The following GGNBP2 variants were observed in gnomAD, a reference collection of about 807,000 sequenced individuals.
The protein encoded by GGNBP2 is gametogenetin binding protein 2.
GGNBP2 carries 10 observed loss-of-function variants against 85.9 expected under a neutral mutation model. That is an observed-to-expected ratio of 0.12 (90% CI 0.07 to 0.20). GGNBP2 has a LOEUF of 0.20. Ranked by LOEUF, GGNBP2 falls within the 10% of genes least tolerant of loss-of-function variation. GGNBP2 has a pLI of 1.00. For synonymous variants in GGNBP2, 287 were observed against 285.7 expected (o/e 1.00, Z -0.05); for missense variants, 595 against 857.8 (o/e 0.69, Z 3.83).
intron 2 of GGNBP2, chr17:36,546,987 T>C (rs1425103326): frequency 6.6e-6 from 1 of 152,228 alleles, no homozygotes; most frequent in African/African-American, 2.4e-5. Context: ...GAAGAGCTAT[T>C]GAATGACTTA....
intron 4 of GGNBP2, among the ~76,000 whole-genome samples, chr17:36,559,296 C>CAAAA (rs892895973): frequency 4.4e-3 from 134 of 30,570 alleles, no homozygotes; most frequent in Middle Eastern, 0.014. Context: ...GACTCTGTCT[C>CAAAA]AAAAAAAAAA....
chr17:36,585,482 C>T lies in GGNBP2; in HGVS notation c.1366+32C>T, dbSNP rs969818556. The T allele has an allele frequency of 3.5e-6, 5 of 1,442,358 alleles. No homozygotes were observed. The African/African-American group carries it at 7.1e-5, about 21-fold the overall frequency. The allele number at this position is 1,442,358 out of a possible 1,614,324, so 89.3% of individuals were successfully genotyped here. On this transcript the variant is annotated intron_variant, in intron 10 of 13. Coordinates refer to ENST00000613102, the MANE Select transcript of GGNBP2 (RefSeq NM_024835.5). The stretch of plus-strand genomic sequence containing the variant: ...AAATAATTTCTTTTTAAAATGAACT[C>T]TTAACTCTATTCTTTCTTACTGTTA...
chr17:36,580,730 G>A (rs1232631847), intron 8 of GGNBP2, among the ~76,000 whole-genome samples: 4 of 151,196 alleles, frequency 2.6e-5, no homozygotes, highest in Non-Finnish European at 5.9e-5. Flanking sequence ...GACCAACCTG[G>A]CCATGATGGC....
intron 9 of GGNBP2, among the ~76,000 whole-genome samples, chr17:36,584,347 T>TG (rs2074679819): frequency 6.6e-6 from 1 of 152,336 alleles, no homozygotes; most frequent in South Asian, 2.1e-4. Context: ...CACATACTTT[T>TG]TTTTTTTTGA....
Position 36,578,100 on chromosome 17 carries a change from T to C in GGNBP2, c.759T>C (p.Cys253=), listed in dbSNP as rs1254204243. The C allele has an allele frequency of 2.5e-6, 4 of 1,614,184 alleles. No homozygotes were observed. The highest frequency in any genetic ancestry group is 3.4e-6 in the Non-Finnish European group (4 of 1,180,012). Residue 253 remains cysteine, a synonymous_variant, in exon 7 of 14, where the codon TGT becomes TGC. Coordinates refer to ENST00000613102, the MANE Select transcript of GGNBP2 (RefSeq NM_024835.5). ...CACTTTATGAAGGCTTGCGGTGCTG[T>C]CCACATGAACGACACATACATGTTT... is the stretch of plus-strand genomic sequence containing the variant. ...CAALYEGLRC[C]PHERHIHVCC... is the part of the protein sequence containing the mutation.
intron 2 of GGNBP2, among the ~76,000 whole-genome samples, chr17:36,554,352 ATTTTTTTTTTTTTTTTTTT>A (rs780217291): frequency 3.4e-4 from 15 of 44,510 alleles, no homozygotes; most frequent in African/African-American, 1.5e-3. Context: ...ATGTACTTGA[ATTTTTTTTTTTTTTTTTTT>A]TTTTTTTTTT....
At chr17:36,581,706 T>A (rs2074652214) in intron 9 of GGNBP2, 168 bp downstream of exon 9, 2 of 404,170 alleles carry the variant, frequency 4.9e-6, no homozygotes, top group Non-Finnish European at 8.8e-6. Flanking sequence ...GATAGTGAGA[T>A]CTCTATCTCT....
At chr17:36,546,027 TCC>T (rs2074250896) in intron 2 of GGNBP2, 7 of 514,974 alleles carry the variant, frequency 1.4e-5, no homozygotes, top group Middle Eastern at 4.3e-4. Context: ...CCGTACGCAC[TCC>T]CTCTCTCCAG....
chr17:36,586,221 C>G, intron 12 of GGNBP2, 23 bp downstream of exon 12: 1 of 1,604,024 alleles, frequency 6.2e-7, no homozygotes, highest in Middle Eastern at 2.0e-4. Context: ...ACTTGTAATT[C>G]TTAAACCTTT....
chr17:36,579,027 A>T, intron 7 of GGNBP2: 1 of 498,068 alleles, frequency 2.0e-6, no homozygotes, highest in Non-Finnish European at 3.6e-6. Context: ...GAATTACTTT[A>T]TTTTTAGCAA....
Position 36,574,839 on chromosome 17 carries a change from C to T in GGNBP2, c.642-3144C>T, listed in dbSNP as rs1169069073. On this transcript the variant is annotated intron_variant, in intron 6 of 13. Transcript: ENST00000613102. ...TTGCTGATCTTGTTCCCCCAGTAGC[C>T]TCTGTGCACAGGGACAATAGAGAGC... 7 of 693,348 alleles carry T rather than the reference C, an allele frequency of 1.0e-5. 1 individual carries two copies. The highest frequency in any genetic ancestry group is 3.5e-5 in the African/African-American group (2 of 57,028). The allele number at this position is 693,348 out of a possible 1,614,324, so 42.9% of individuals were successfully genotyped here.
chr17:36,569,483 C>A (rs906167306), intron 6 of GGNBP2, among the ~76,000 whole-genome samples: 6 of 152,298 alleles, frequency 3.9e-5, no homozygotes, highest in East Asian at 1.9e-4. Flanking sequence ...AAATTTGTTA[C>A]AAGTTGCGTT....
intron 13 of GGNBP2, among the ~76,000 whole-genome samples, chr17:36,588,761 A>G (rs985247619): frequency 3.9e-5 from 6 of 152,262 alleles, no homozygotes; most frequent in Admixed American, 1.3e-4. Flanking sequence ...CACCACCTGT[A>G]TAAGTTTAAT....
chr17:36,574,573 C>G (rs923667726), intron 6 of GGNBP2: 4 of 513,422 alleles, frequency 7.8e-6, no homozygotes, highest in Non-Finnish European at 1.3e-5. Flanking sequence ...CAGTCTCCTT[C>G]CAGAGGTCGG....
intron 6 of GGNBP2, among the ~76,000 whole-genome samples, chr17:36,571,934 A>G (rs1015170359): frequency 4.6e-5 from 7 of 152,078 alleles, no homozygotes; most frequent in African/African-American, 1.2e-4. Context: ...CTGCAGTTTC[A>G]TCTACTCGGG....
At chr17:36,546,753 A>G (rs1377140234) in intron 2 of GGNBP2, 1 of 152,192 alleles carries the variant, frequency 6.6e-6, no homozygotes, top group African/African-American at 2.4e-5. Flanking sequence ...ACATTTGCTT[A>G]TTTCGATAAG....
Position 36,589,836 on chromosome 17 carries a change from AC to A in GGNBP2, c.*426del, listed in dbSNP as rs1348779783. The A allele has an allele frequency of 2.9e-5, 5 of 170,828 alleles. No individual in the cohort carries two copies. The highest frequency in any genetic ancestry group is 6.3e-5 in the Non-Finnish European group (5 of 79,434). The allele number at this position is 170,828 out of a possible 1,614,324, so 10.6% of individuals were successfully genotyped here. A position where few individuals can be genotyped will look rare whatever the true frequency, so the allele number is the denominator to read the frequency against. On this transcript the variant is annotated 3_prime_UTR_variant, in exon 14 of 14. Transcript: ENST00000613102. ...TTTAAAATAAAGAATATTTATTAAT[AC>A]GCACAGTAAAATTTGCTGTACATGT...
chr17:36,548,862 T>C (rs956731922), intron 2 of GGNBP2, among the ~76,000 whole-genome samples: 2 of 147,762 alleles, frequency 1.4e-5, no homozygotes, highest in African/African-American at 5.0e-5. Flanking sequence ...GAGAATTGAT[T>C]GAACCCCCAG....
Position 36,567,733 on chromosome 17 carries a change from A to C in GGNBP2, c.598A>C (p.Ser200Arg). Residue 200 changes from serine (S) to arginine (R), a missense_variant, in exon 6 of 14, where the codon AGT becomes CGT. Physicochemically the swap from Ser to Arg is moderately radical, Grantham distance 110. Coordinates refer to ENST00000613102, the MANE Select transcript of GGNBP2 (RefSeq NM_024835.5). ...GGATGAAGTAGTTTTAATTGACTCG[A>C]GTTGTCTTTTAGAAACACTAGAAAC... ...CRDEVVLIDS[S>R]CLLETLETYL... is the part of the protein sequence containing the mutation. 1 of 1,609,258 alleles carries C rather than the reference A, an allele frequency of 6.2e-7. No homozygotes were observed. Among genetic ancestry groups the C allele is most frequent in the East Asian group, 2.2e-5 (1 of 44,824 alleles).
Sources: allele counts gnomAD v4.1 joint callset (sites outside exome capture counted in the v4.1 genomes callset), GRCh38; gene constraint gnomAD v4.1.1; transcripts MANE v1.5; gene names NCBI Gene and HGNC (gene_info 2026-07-23, HGNC 2026-07-21).